The following CCDC148 variants were observed in gnomAD, a reference collection of about 807,000 sequenced individuals.
The protein encoded by CCDC148 is coiled-coil domain-containing protein 148.
A neutral mutation model predicts 85.7 loss-of-function variants in CCDC148; 89 were observed. The ratio of observed to expected loss-of-function variants is 1.04; its 90% CI spans 0.87 to 1.24. The LOEUF is 1.24. Among genes scored for constraint, CCDC148 ranks in the 50% most tolerant of loss-of-function variants. The pLI is 0.00. For synonymous variants in CCDC148, 230 were observed against 213.9 expected, an observed-to-expected ratio of 1.08 and a Z score of -0.66; for missense variants, 692 against 671.7, an observed-to-expected ratio of 1.03 and a Z score of -0.33.
chr2:158,336,486 T>C lies in CCDC148; in HGVS notation c.764+2240A>G, dbSNP rs1174539439. Reference sequence around the variant, plus strand: ...CTTCCCCCAAATATTCCAAGCCTTCTTAGAGGCAAAGCCATATACTAAACT... The same window carrying C: ...CTTCCCCCAAATATTCCAAGCCTTCCTAGAGGCAAAGCCATATACTAAACT... On this transcript the variant is annotated intron_variant, in intron 7 of 13. Coordinates refer to ENST00000283233, the MANE Select transcript of CCDC148 (RefSeq NM_138803.4). Among the ~76,000 whole-genome samples the C allele has an allele frequency of 2.6e-5, 4 of 152,308 alleles. No individual in the cohort carries two copies. In the East Asian group the frequency reaches 7.7e-4, roughly 29 times the overall value.
At chr2:158,248,974 G>GCT (rs1177040465) in intron 10 of CCDC148, among the ~76,000 whole-genome samples, 2 of 151,658 alleles carry the variant, frequency 1.3e-5, no homozygotes, top group African/African-American at 4.8e-5. Context: ...GGCTCAGGAA[G>GCT]CTCTCTCTCT....
chr2:158,429,808 G>C (rs1193653420), intron 1 of CCDC148, among the ~76,000 whole-genome samples: 1 of 152,136 alleles, frequency 6.6e-6, no homozygotes, highest in Non-Finnish European at 1.5e-5. Flanking sequence ...ACATGTCTGT[G>C]ATCACTGAAG....
At chr2:158,444,785 GAAAAA>G (rs11433320) in intron 1 of CCDC148, among the ~76,000 whole-genome samples, 1 of 66,662 alleles carries the variant, frequency 1.5e-5, no homozygotes, top group African/African-American at 6.9e-5. Flanking sequence ...ACCCTGTCTT[GAAAAA>G]AAAAAAAAAA....
intron 9 of CCDC148, among the ~76,000 whole-genome samples, chr2:158,276,554 TCAAAA>T (rs58603462): frequency 0.38 from 57,131 of 149,744 alleles, 11,800 homozygotes; most frequent in South Asian, 0.59. Flanking sequence ...AGACTCAGTC[TCAAAA>T]CAAAACAAAA....
At chr2:158,411,743 C>T (rs1413156794) in intron 1 of CCDC148, among the ~76,000 whole-genome samples, 1 of 152,056 alleles carries the variant, frequency 6.6e-6, no homozygotes, top group African/African-American at 2.4e-5. Context: ...TATCATGTTT[C>T]CTTGATTTTT....
rs1301411038 is a variant in CCDC148 at position 158,456,612 on chromosome 2, G to T, written c.-173C>A. 2.6e-6 allele frequency: 2 copies of T among 781,422 alleles called. No individual in the cohort carries two copies. Among genetic ancestry groups the T allele is most frequent in the South Asian group, 1.9e-5 (1 of 53,228 alleles). The allele number at this position is 781,422 out of a possible 1,614,324, so 48.4% of individuals were successfully genotyped here. ...TGGGATTGGCAGTAAGGCAAGGAAA[G>T]CCTGCCCCAGATTTCAGAGCCAGCG... On this transcript the variant is annotated 5_prime_UTR_variant, in exon 1 of 14. Transcript: ENST00000283233.
At position 158,175,855 on chromosome 2, in the gene CCDC148, A is replaced by T. The variant is rs184339246; in HGVS notation, c.1629+666T>A. Among the ~76,000 whole-genome samples the T allele has an allele frequency of 2.0e-5, 3 of 151,978 alleles. No homozygotes were observed. The East Asian group carries it at 5.8e-4, about 30-fold the overall frequency. On this transcript the variant is annotated intron_variant, in intron 13 of 13. Transcript: ENST00000283233. ...TTCTCTCTTAATTTCAGTGACTGAT[A>T]TATCATCCATCCACCCATCCATCCA...
chr2:158,282,085 T>C (rs1382207603), intron 9 of CCDC148, among the ~76,000 whole-genome samples: 2 of 151,624 alleles, frequency 1.3e-5, no homozygotes, highest in Non-Finnish European at 2.9e-5. Flanking sequence ...CAACGCTTCA[T>C]GCTAAAAACT....
At chr2:158,291,191 G>GT (rs1690878127) in intron 9 of CCDC148, among the ~76,000 whole-genome samples, 1 of 152,100 alleles carries the variant, frequency 6.6e-6, no homozygotes, top group African/African-American at 2.4e-5. Context: ...GGGCTCAAGT[G>GT]ATCCTCCTGC....
chr2:158,344,049 A>G (rs1682871053), intron 3 of CCDC148, among the ~76,000 whole-genome samples: 2 of 152,182 alleles, frequency 1.3e-5, no homozygotes, highest in South Asian at 4.1e-4. Flanking sequence ...CAAGATTTAA[A>G]AAAAACAAAA....
chr2:158,380,863 A>C (rs1000105584), intron 1 of CCDC148: 1 of 152,174 alleles, frequency 6.6e-6, no homozygotes, highest in African/African-American at 2.4e-5. Flanking sequence ...ACTGCTGTGC[A>C]GTATGGAAAG....
chr2:158,178,913 T>G lies in CCDC148; in HGVS notation c.1454A>C (p.Glu485Ala), dbSNP rs1018779788. 13 of 1,613,496 alleles carry G rather than the reference T, an allele frequency of 8.1e-6. No individual in the cohort carries two copies. The highest frequency in any genetic ancestry group is 1.1e-5 in the Non-Finnish European group (13 of 1,179,742). ...AAGGGCTTCTAGCCGCCGTGCTCTC[T>G]CTTTGTCTTCATGAGCTTCTTGAAG... is the stretch of plus-strand genomic sequence containing the variant. ...VALQEAHEDK[E>A]RARRLEALRK... is the part of the protein sequence containing the mutation. The change falls in exon 12 of 14, where the codon GAG becomes GCG. Residue 485 changes from glutamate (E) to alanine (A), a missense_variant. By Grantham distance (107) the Glu-to-Ala change is moderately radical (BLOSUM62 -1). Coordinates refer to ENST00000283233, the MANE Select transcript of CCDC148 (RefSeq NM_138803.4).
chr2:158,280,635 G>T (rs988734650), intron 9 of CCDC148, among the ~76,000 whole-genome samples: 1 of 152,088 alleles, frequency 6.6e-6, no homozygotes, highest in African/African-American at 2.4e-5. Flanking sequence ...AGCAAGTCCT[G>T]AGTGACCTAC....
chr2:158,180,350 T>C lies in CCDC148; in HGVS notation c.1371-1354A>G, dbSNP rs561100051. ...GTTGCCATTTTTTAATTCCATTTTATGGATATAAAGAAATAGAAGCATAGA... is the reference window on the plus strand; with the variant it reads ...GTTGCCATTTTTTAATTCCATTTTACGGATATAAAGAAATAGAAGCATAGA... On this transcript the variant is annotated intron_variant, in intron 11 of 13. Coordinates refer to ENST00000283233, the MANE Select transcript of CCDC148 (RefSeq NM_138803.4). Among the ~76,000 whole-genome samples the C allele has an allele frequency of 3.3e-5, 5 of 152,264 alleles. No individual in the cohort carries two copies. In the East Asian group the frequency reaches 5.8e-4, roughly 18 times the overall value.
rs192241655 is a variant in CCDC148 at position 158,389,919 on chromosome 2, C to T, written c.26-31349G>A. 1.6e-4 allele frequency among the ~76,000 whole-genome samples: 25 copies of T among 152,176 alleles called. No individual in the cohort carries two copies. In the East Asian group the frequency reaches 4.1e-3, roughly 25 times the overall value. ...GGAGTAGAAGCCTTAATTGCCTTTCCAGAAACAGAAAAGAAAGATTATATT... is the reference window on the plus strand; with the variant it reads ...GGAGTAGAAGCCTTAATTGCCTTTCTAGAAACAGAAAAGAAAGATTATATT... On this transcript the variant is annotated intron_variant, in intron 1 of 13. Coordinates refer to ENST00000283233, the MANE Select transcript of CCDC148 (RefSeq NM_138803.4).
chr2:158,438,837 A>G (rs1177242886), intron 1 of CCDC148, among the ~76,000 whole-genome samples: 1 of 152,228 alleles, frequency 6.6e-6, no homozygotes, highest in Admixed American at 6.5e-5. Context: ...ACACTTCTCA[A>G]AAGAAGACAT....
chr2:158,401,638 C>G (rs1685789104), intron 1 of CCDC148, among the ~76,000 whole-genome samples: 1 of 151,824 alleles, frequency 6.6e-6, no homozygotes. Flanking sequence ...ACATGTATAC[C>G]TATGTAACAA....
At chr2:158,347,625 G>A (rs890638457) in intron 2 of CCDC148, among the ~76,000 whole-genome samples, 1 of 152,056 alleles carries the variant, frequency 6.6e-6, no homozygotes, top group Non-Finnish European at 1.5e-5. Context: ...CTGGAAACAT[G>A]CCAAAACAAT....
intron 11 of CCDC148, among the ~76,000 whole-genome samples, chr2:158,197,772 G>A (rs1344764335): frequency 6.6e-6 from 1 of 151,962 alleles, no homozygotes; most frequent in Non-Finnish European, 1.5e-5. Flanking sequence ...GATAGATACA[G>A]TTTCTATACA....
Sources: gnomAD v4.1 joint callset for allele counts (sites outside exome capture counted in the v4.1 genomes callset) on GRCh38, gnomAD v4.1.1 for gene constraint, MANE v1.5 for transcripts, NCBI Gene and HGNC (gene_info 2026-07-23, HGNC 2026-07-21) for gene names.